The following EPHA6 variants were observed in gnomAD, a reference collection of about 807,000 sequenced individuals.
EPHA6 encodes the protein EPH receptor A6.
A neutral mutation model predicts 112.0 loss-of-function variants in EPHA6; 50 were observed. The observed-to-expected ratio is 0.45, with a 90% CI of 0.36 to 0.56. EPHA6 has a LOEUF of 0.56. Among genes scored for constraint, EPHA6 ranks in the 20% least tolerant of loss-of-function variants. The probability of loss-of-function intolerance (pLI) is 0.00; values close to 1 mark genes in which losing one functional copy is unlikely to be tolerated. For missense variants in EPHA6, 1,280 were observed against 1,417.4 expected (o/e 0.90, Z 1.56); for synonymous variants, 529 against 490.7 (o/e 1.08, Z -1.03).
intron 2 of EPHA6, among the ~76,000 whole-genome samples, chr3:96,982,596 T>G (rs1416121326): frequency 2.6e-5 from 4 of 152,172 alleles, no homozygotes; most frequent in African/African-American, 9.6e-5. Flanking sequence ...CTGAGTTCAA[T>G]TCCTGGATAT....
intron 2 of EPHA6, among the ~76,000 whole-genome samples, chr3:96,921,967 T>C (rs1037968550): frequency 1.3e-5 from 2 of 151,988 alleles, no homozygotes; most frequent in Non-Finnish European, 2.9e-5. Context: ...AGAAGAATAA[T>C]GTGAATCAAC....
intron 11 of EPHA6, among the ~76,000 whole-genome samples, chr3:97,591,672 G>A (rs529400590): frequency 6.6e-6 from 1 of 152,286 alleles, no homozygotes; most frequent in East Asian, 1.9e-4. Context: ...TTTCATCTGA[G>A]TGAGTTTAGG....
chr3:96,954,747 T>C (rs2041686750), intron 2 of EPHA6, among the ~76,000 whole-genome samples: 1 of 148,490 alleles, frequency 6.7e-6, no homozygotes, highest in African/African-American at 2.5e-5. Flanking sequence ...AAAACAGGAA[T>C]TAGTCTTAAA....
At chr3:97,365,987 G>C (rs1012942633) in intron 5 of EPHA6, among the ~76,000 whole-genome samples, 2 of 151,948 alleles carry the variant, frequency 1.3e-5, no homozygotes, top group Non-Finnish European at 2.9e-5. Flanking sequence ...GCTACAATTC[G>C]GATTAAAAAT....
chr3:96,973,139 A>G (rs2042381939), intron 2 of EPHA6, among the ~76,000 whole-genome samples: 1 of 152,178 alleles, frequency 6.6e-6, no homozygotes, highest in Non-Finnish European at 1.5e-5. Flanking sequence ...TTAGCTTGCT[A>G]TAGAAACAAA....
intron 5 of EPHA6, among the ~76,000 whole-genome samples, chr3:97,343,824 G>T (rs1483002810): frequency 6.6e-6 from 1 of 152,176 alleles, no homozygotes; most frequent in Admixed American, 6.5e-5. Flanking sequence ...AAGAGCTACT[G>T]CAGGGCTGCC....
At chr3:96,896,198 A>G (rs533853331) in intron 2 of EPHA6, among the ~76,000 whole-genome samples, 5 of 152,160 alleles carry the variant, frequency 3.3e-5, no homozygotes, top group South Asian at 4.2e-4. Context: ...CTTCTCATCA[A>G]TGAGGTTTTC....
rs77622841 is a variant in EPHA6 at position 96,885,230 on chromosome 3, T to C, written c.450+18341T>C. On this transcript the variant is annotated intron_variant, in intron 2 of 17. Coordinates refer to ENST00000389672, the MANE Select transcript of EPHA6 (RefSeq NM_001080448.3). ...CCTGGTTTTGGTATTAGGGTGATGC[T>C]GGCTTCATCGAATGAATTAGGGAGG... is the stretch of plus-strand genomic sequence containing the variant. Among the ~76,000 whole-genome samples, 1,578 of 152,276 alleles carry C rather than the reference T, an allele frequency of 0.01. 76 individuals are homozygous for C. The East Asian group carries it at 0.15, about 15-fold the overall frequency.
At chr3:97,052,910 A>G (rs1006357944) in intron 3 of EPHA6, among the ~76,000 whole-genome samples, 2 of 152,064 alleles carry the variant, frequency 1.3e-5, no homozygotes, top group Non-Finnish European at 2.9e-5. Context: ...ACACATTGTC[A>G]ACTATGGTGG....
chr3:97,661,358 C>T lies in EPHA6; in HGVS notation c.2784+23276C>T, dbSNP rs544392625. On this transcript the variant is annotated intron_variant, in intron 14 of 17. Transcript: ENST00000389672. Reference sequence around the variant, plus strand: ...AAGAAATTAATGTAGTTCAACAGCCCCTCTACTAGCTTTGAACACTGCAGA... The same window carrying T: ...AAGAAATTAATGTAGTTCAACAGCCTCTCTACTAGCTTTGAACACTGCAGA... 3.9e-5 allele frequency among the ~76,000 whole-genome samples: 6 copies of T among 152,218 alleles called. No individual in the cohort carries two copies. The East Asian group carries it at 1.2e-3, about 29-fold the overall frequency.
intron 2 of EPHA6, among the ~76,000 whole-genome samples, chr3:96,942,392 G>A (rs527885338): frequency 9.3e-4 from 141 of 152,286 alleles, no homozygotes; most frequent in Non-Finnish European, 1.7e-3. Flanking sequence ...GCGTGACTCC[G>A]TGGGCCTAGG....
In EPHA6 at chr3:97,303,080, A is replaced by G. The variant is rs376974568; in HGVS notation, c.1606+58793A>G. 7.4e-4 allele frequency among the ~76,000 whole-genome samples: 113 copies of G among 152,090 alleles called. 1 individual carries two copies. The highest frequency in any genetic ancestry group is 2.7e-3 in the African/African-American group (111 of 41,548). ...TAGTGAAATTACCTGCAAAACACTA[A>G]AGAAAACTCTTCTAATTTTAAAAAG... On this transcript the variant is annotated intron_variant, in intron 5 of 17. Coordinates refer to ENST00000389672, the MANE Select transcript of EPHA6 (RefSeq NM_001080448.3).
intron 11 of EPHA6, among the ~76,000 whole-genome samples, chr3:97,588,864 A>C (rs2107328419): frequency 6.6e-6 from 1 of 152,260 alleles, no homozygotes; most frequent in East Asian, 1.9e-4. Flanking sequence ...CACATGTGAA[A>C]ATTTCTTTCC....
At chr3:97,428,751 C>T (rs999626382) in intron 6 of EPHA6, among the ~76,000 whole-genome samples, 5 of 152,112 alleles carry the variant, frequency 3.3e-5, no homozygotes, top group Non-Finnish European at 7.4e-5. Flanking sequence ...TGAAGGTTCA[C>T]CTGAAAGCCC....
intron 13 of EPHA6, among the ~76,000 whole-genome samples, chr3:97,616,721 C>T (rs1431521030): frequency 6.6e-6 from 1 of 151,348 alleles, no homozygotes; most frequent in Admixed American, 6.6e-5. Flanking sequence ...CACTGGTAGA[C>T]AAGAATAGAG....
chr3:97,513,844 A>G (rs926103441), intron 10 of EPHA6, among the ~76,000 whole-genome samples: 15 of 152,314 alleles, frequency 9.8e-5, no homozygotes, highest in Admixed American at 2.6e-4. Context: ...TACAATTATT[A>G]TGTAGCAATT....
At chr3:96,868,188 GAC>G (rs1209351760) in intron 2 of EPHA6, among the ~76,000 whole-genome samples, 15 of 142,942 alleles carry the variant, frequency 1.0e-4, no homozygotes, top group African/African-American at 4.3e-4. Context: ...GAGAGAGAGA[GAC>G]AGAGTGTGTG....
At chr3:97,298,064 G>T (rs1031444731) in intron 5 of EPHA6, among the ~76,000 whole-genome samples, 1 of 152,034 alleles carries the variant, frequency 6.6e-6, no homozygotes. Context: ...GCCTGGGTGG[G>T]TTATTATTTT....
chr3:97,379,748 CCCCAAAA>C (rs1191366257), intron 5 of EPHA6, among the ~76,000 whole-genome samples: 2 of 45,960 alleles, frequency 4.4e-5, no homozygotes, highest in Admixed American at 3.7e-4. Context: ...GACTCTGTCT[CCCCAAAA>C]AAAAAAAAAA....
Sources: allele counts gnomAD v4.1 joint callset (sites outside exome capture counted in the v4.1 genomes callset), GRCh38; gene constraint gnomAD v4.1.1; transcripts MANE v1.5; gene names NCBI Gene and HGNC (gene_info 2026-07-23, HGNC 2026-07-21).